RBPJ: variants seen among roughly 807,000 people sequenced by gnomAD.
The protein encoded by RBPJ is recombination signal binding protein for immunoglobulin kappa J region.
In RBPJ, 9 loss-of-function variants were observed where a neutral mutation model predicts 67.8. The observed-to-expected ratio is 0.13, with a 90% CI of 0.08 to 0.23. The LOEUF is 0.23. Among genes scored for constraint, RBPJ ranks in the 10% least tolerant of loss-of-function variants. The pLI is 1.00. For synonymous variants in RBPJ, 198 were observed against 203.3 expected, an observed-to-expected ratio of 0.97 and a Z score of 0.22; for missense variants, 305 against 595.6, an observed-to-expected ratio of 0.51 and a Z score of 5.08.
At chr4:26,131,397 G>A in the RBPJ span, among the ~76,000 whole-genome samples, 15 of 152,076 alleles carry the variant, frequency 9.9e-5, no homozygotes, top group Admixed American at 6.5e-5. Flanking sequence ...CGTGGTGTCA[G>A]AATAAGTATT....
chr4:26,364,060 C>G (rs1265179980), intron 1 of RBPJ, among the ~76,000 whole-genome samples: 3 of 152,046 alleles, frequency 2.0e-5, no homozygotes, highest in African/African-American at 7.2e-5. Flanking sequence ...AATGTTACAT[C>G]AGATTCAGAA....
At chr4:26,322,661 T>TTA (rs753718347) in intron 1 of RBPJ, among the ~76,000 whole-genome samples, 186 of 115,908 alleles carry the variant, frequency 1.6e-3, no homozygotes, top group East Asian at 9.0e-3. Context: ...AATATGTATA[T>TTA]TATATATATA....
At chr4:26,425,847 A>G (rs181620892) in intron 7 of RBPJ, among the ~76,000 whole-genome samples, 33 of 151,980 alleles carry the variant, frequency 2.2e-4, no homozygotes, top group African/African-American at 7.7e-4. Flanking sequence ...CATGCCTCCT[A>G]TTTATCTTTT....
rs1469602049 is a variant in RBPJ at position 26,409,626 on chromosome 4, A to G, written c.155+3356A>G. Among the ~76,000 whole-genome samples, 5 of 152,174 alleles carry G rather than the reference A, an allele frequency of 3.3e-5. No homozygotes were observed. The South Asian group carries it at 6.2e-4, about 19-fold the overall frequency. On this transcript the variant is annotated intron_variant, in intron 3 of 10. Coordinates refer to ENST00000355476, the MANE Select transcript of RBPJ (RefSeq NM_015874.6). ...ATGATTCTCCTGCCTCAGCCTCCCA[A>G]GTAGCTGGGATTACAGGCACCCACC...
intron 3 of RBPJ, among the ~76,000 whole-genome samples, chr4:26,408,144 C>T (rs563956754): frequency 6.6e-6 from 1 of 152,092 alleles, no homozygotes; most frequent in East Asian, 1.9e-4. Flanking sequence ...CAAAGGATTA[C>T]AGGCATGAGA....
At chr4:26,413,976 TG>T (rs1446923544) in intron 3 of RBPJ, among the ~76,000 whole-genome samples, 1 of 152,152 alleles carries the variant, frequency 6.6e-6, no homozygotes, top group East Asian at 1.9e-4. Flanking sequence ...TTCAGCCACG[TG>T]AGTGTGAGTG....
intron 1 of RBPJ, among the ~76,000 whole-genome samples, chr4:26,172,168 C>T (rs16878156): frequency 0.013 from 1,923 of 152,244 alleles, 46 homozygotes; most frequent in African/African-American, 0.044. Flanking sequence ...CAGGTGGTAG[C>T]TCGTGATATA....
intron 2 of RBPJ, among the ~76,000 whole-genome samples, chr4:26,400,587 C>G (rs2109714047): frequency 6.6e-6 from 1 of 152,264 alleles, no homozygotes; most frequent in South Asian, 2.1e-4. Context: ...AATGATCAAG[C>G]TTTAATTGCC....
chr4:26,417,311 T>C (rs982027859), intron 4 of RBPJ, among the ~76,000 whole-genome samples: 3 of 152,244 alleles, frequency 2.0e-5, no homozygotes, highest in Non-Finnish European at 2.9e-5. Context: ...TTTCGCAGCA[T>C]TGTGGCTTAG....
the RBPJ span, among the ~76,000 whole-genome samples, chr4:26,150,493 C>T: frequency 2.6e-5 from 4 of 152,202 alleles, no homozygotes; most frequent in South Asian, 2.1e-4. Context: ...GTGTGTTGGG[C>T]GCTGCATAAA....
intron 5 of RBPJ, among the ~76,000 whole-genome samples, chr4:26,421,601 C>T (rs1411689088): frequency 2.0e-5 from 3 of 152,160 alleles, no homozygotes; most frequent in African/African-American, 4.8e-5. Flanking sequence ...CCATGCCTGG[C>T]TGAGACTTTC....
At chr4:26,182,159 G>T (rs1018003339) in intron 1 of RBPJ, among the ~76,000 whole-genome samples, 2 of 152,114 alleles carry the variant, frequency 1.3e-5, no homozygotes, top group Non-Finnish European at 2.9e-5. Flanking sequence ...TGGTTAACAC[G>T]GTGAAACCCC....
At chr4:26,254,802 A>G (rs1720236466) in intron 1 of RBPJ, among the ~76,000 whole-genome samples, 1 of 132,290 alleles carries the variant, frequency 7.6e-6, no homozygotes, top group Admixed American at 7.7e-5. Context: ...CTTTGCCTCC[A>G]GAGGAGCTGG....
intron 1 of RBPJ, among the ~76,000 whole-genome samples, chr4:26,214,974 G>C (rs577768828): frequency 0.15 from 2,410 of 16,238 alleles, 119 homozygotes; most frequent in East Asian, 0.4. Context: ...GAGGGAGGGA[G>C]GGAAGGAAGG....
At chr4:26,185,483 C>T (rs935210642) in intron 1 of RBPJ, among the ~76,000 whole-genome samples, 4 of 152,130 alleles carry the variant, frequency 2.6e-5, no homozygotes, top group East Asian at 1.9e-4. Flanking sequence ...ACTGGAATTA[C>T]GAGGTTGTAT....
intron 1 of RBPJ, among the ~76,000 whole-genome samples, chr4:26,345,134 CAT>C (rs1252967920): frequency 1.3e-5 from 2 of 152,220 alleles, no homozygotes; most frequent in East Asian, 1.9e-4. Flanking sequence ...AGTTATTATT[CAT>C]AGTCACTTTA....
At chr4:26,177,649 A>G (rs770188230) in intron 1 of RBPJ, among the ~76,000 whole-genome samples, 18 of 149,212 alleles carry the variant, frequency 1.2e-4, no homozygotes, top group Middle Eastern at 3.4e-3. Context: ...AGGAAGGAAG[A>G]AAGAAAGAAA....
At chr4:26,399,826 G>T (rs183025566) in intron 2 of RBPJ, among the ~76,000 whole-genome samples, 2 of 152,098 alleles carry the variant, frequency 1.3e-5, no homozygotes, top group African/African-American at 2.4e-5. Flanking sequence ...CTATAGGCGC[G>T]TGCCACCATG....
intron 1 of RBPJ, among the ~76,000 whole-genome samples, chr4:26,168,673 C>G (rs2109114763): frequency 6.6e-6 from 1 of 152,354 alleles, no homozygotes; most frequent in South Asian, 2.1e-4. Context: ...TGTTTTCCAA[C>G]TTGGTTCCAT....
Sources: gnomAD v4.1 joint callset for allele counts (sites outside exome capture counted in the v4.1 genomes callset) on GRCh38, gnomAD v4.1.1 for gene constraint, MANE v1.5 for transcripts, NCBI Gene and HGNC (gene_info 2026-07-23, HGNC 2026-07-21) for gene names.